Variants in FRMPD4 observed in about 807,000 individuals in gnomAD.
The protein encoded by FRMPD4 is FERM and PDZ domain containing 4, also known as FERM and PDZ domain-containing protein 4.
Under a neutral mutation model 94.1 loss-of-function variants are expected in FRMPD4, and 22 were observed. That is an observed-to-expected ratio of 0.23 (90% CI 0.17 to 0.33). The LOEUF (loss-of-function observed/expected upper bound fraction) is 0.33, where lower values mean the gene tolerates loss of function less well. Among genes scored for constraint, FRMPD4 ranks in the 10% least tolerant of loss-of-function variants. FRMPD4 has a pLI of 1.00. For synonymous variants in FRMPD4, 631 were observed against 548.6 expected (o/e 1.15, Z -2.10); for missense variants, 1,111 against 1,339.9 (o/e 0.83, Z 2.67).
intron 3 of FRMPD4, among the ~76,000 whole-genome samples, chrX:12,067,670 C>G (rs1258720299): frequency 9.0e-6 from 1 of 111,261 alleles, no homozygotes; most frequent in Non-Finnish European, 1.9e-5. Flanking sequence ...CCTGCCTCAG[C>G]CTCCCAAAGT....
intron 3 of FRMPD4, among the ~76,000 whole-genome samples, chrX:12,090,880 G>A (rs1219895706): frequency 8.9e-6 from 1 of 112,231 alleles, no homozygotes; most frequent in South Asian, 3.7e-4. Flanking sequence ...ATATTAGTAA[G>A]GGATGATTGG....
At chrX:12,391,337 T>C in intron 1 of FRMPD4, among the ~76,000 whole-genome samples, 2 of 111,995 alleles carry the variant, frequency 1.8e-5, no homozygotes, top group Middle Eastern at 9.1e-3. Flanking sequence ...AAGTTAATGC[T>C]ACCTACAGAC....
At chrX:12,716,013 C>A in intron 14 of FRMPD4, 56 bp from the exon 15 acceptor site, 1 of 365,412 alleles carries the variant, frequency 2.7e-6, no homozygotes, top group Non-Finnish European at 4.8e-6. Context: ...CCACCCCCGC[C>A]CCACCCAAAA....
chrX:12,647,529 T>A (rs143181839), intron 4 of FRMPD4, among the ~76,000 whole-genome samples: 3 of 111,879 alleles, frequency 2.7e-5, no homozygotes, highest in East Asian at 5.6e-4. Flanking sequence ...GGGTGGACTT[T>A]AGCAGCCAGA....
At chrX:12,218,919 G>A (rs940060985) in intron 1 of FRMPD4, among the ~76,000 whole-genome samples, 18 of 112,468 alleles carry the variant, frequency 1.6e-4, no homozygotes, top group African/African-American at 5.2e-4. Context: ...TTAGTAAAAT[G>A]TTTTGAAACC....
intron 2 of FRMPD4, among the ~76,000 whole-genome samples, chrX:12,560,740 ATCTTTTTTTTTTTTTTTTTT>A (rs2148345509): frequency 3.9e-5 from 2 of 51,766 alleles, no homozygotes; most frequent in African/African-American, 6.7e-5. Flanking sequence ...ACCTCCCCTC[ATCTTTTTTTTTTTTTTTTTT>A]TTTTTTTTTT....
intron 1 of FRMPD4, among the ~76,000 whole-genome samples, chrX:12,140,937 T>C (rs1272809691): frequency 2.7e-5 from 3 of 111,752 alleles, no homozygotes; most frequent in East Asian, 5.6e-4. Context: ...AAGGTGCAAA[T>C]GTTCTGAGCT....
At chrX:12,468,534 C>A (rs147449556) in intron 1 of FRMPD4, among the ~76,000 whole-genome samples, 16 of 111,821 alleles carry the variant, frequency 1.4e-4, no homozygotes, top group African/African-American at 5.2e-4. Flanking sequence ...TATTCAGGCC[C>A]TATGCAGAAT....
At chrX:12,654,665 T>C (rs2059634620) in intron 4 of FRMPD4, among the ~76,000 whole-genome samples, 1 of 111,481 alleles carries the variant, frequency 9.0e-6, no homozygotes, top group African/African-American at 3.3e-5. Flanking sequence ...TCAGCATCCC[T>C]GAGTTCGGCA....
At chrX:12,648,457 C>G (rs1006074306) in intron 4 of FRMPD4, among the ~76,000 whole-genome samples, 1 of 111,609 alleles carries the variant, frequency 9.0e-6, no homozygotes, top group Non-Finnish European at 1.9e-5. Flanking sequence ...CTATATCTCG[C>G]ATGTTGGAGT....
At chrX:12,470,081 T>C (rs981252730) in intron 1 of FRMPD4, among the ~76,000 whole-genome samples, 4 of 112,166 alleles carry the variant, frequency 3.6e-5, no homozygotes, top group Admixed American at 9.4e-5. Flanking sequence ...TGACCCCAGA[T>C]GCAGTATTAT....
In FRMPD4 at chrX:12,434,444, A is replaced by G. The variant is rs557837606; in HGVS notation, c.42-64236A>G. On this transcript the variant is annotated intron_variant, in intron 1 of 16. Coordinates refer to ENST00000675598, the MANE Select transcript of FRMPD4 (RefSeq NM_001368397.1). The stretch of plus-strand genomic sequence containing the variant: ...GCATCATCCTCACTCTGTTTTCAAG[A>G]TGGAGGTCCTCCTGTCTGTGCCAGA... Among the ~76,000 whole-genome samples, 8 of 111,919 alleles carry G rather than the reference A, an allele frequency of 7.1e-5. No homozygotes were observed. The East Asian group carries it at 2.0e-3, about 27-fold the overall frequency.
At chrX:12,312,959 C>T (rs2055058773) in intron 1 of FRMPD4, among the ~76,000 whole-genome samples, 1 of 111,080 alleles carries the variant, frequency 9.0e-6, no homozygotes, top group Non-Finnish European at 1.9e-5. Context: ...CAGAGGATGT[C>T]AGGGAAGACT....
intron 1 of FRMPD4, among the ~76,000 whole-genome samples, chrX:12,448,315 T>A (rs1452781620): frequency 1.8e-5 from 2 of 112,276 alleles, no homozygotes; most frequent in Admixed American, 1.9e-4. Context: ...AAAATTCATG[T>A]TATCGGACAA....
At chrX:12,691,485 C>T (rs4357481) in intron 8 of FRMPD4, among the ~76,000 whole-genome samples, 3 of 109,953 alleles carry the variant, frequency 2.7e-5, no homozygotes, top group African/African-American at 9.9e-5. Flanking sequence ...TATTTTAAAT[C>T]ACTTCTAATG....
chrX:12,723,084 ATACT>A lies in FRMPD4; in HGVS notation c.*1229_*1232del, dbSNP rs2042269212. ...AAATAGTTAAGTATTTATTAAATAAATACTTAATCTGGATTGGCTGATAAAAATA... is the reference window on the plus strand; with the variant it reads ...AAATAGTTAAGTATTTATTAAATAAATAATCTGGATTGGCTGATAAAAATA... On this transcript the variant is annotated 3_prime_UTR_variant, in exon 17 of 17. Transcript: ENST00000675598. 1 of 111,274 alleles carries A rather than the reference ATACT, an allele frequency of 9.0e-6. No homozygotes were observed. The highest frequency in any genetic ancestry group is 1.9e-5 in the Non-Finnish European group (1 of 53,044). 9.2% of individuals were successfully genotyped at this position (111,274 alleles called of 1,213,427 possible).
chrX:12,597,400 C>A (rs1362708930), intron 2 of FRMPD4, among the ~76,000 whole-genome samples: 2 of 112,163 alleles, frequency 1.8e-5, no homozygotes, highest in Non-Finnish European at 3.8e-5. Flanking sequence ...GTGGTATTGA[C>A]AAATAGAACT....
intron 1 of FRMPD4, among the ~76,000 whole-genome samples, chrX:12,144,964 C>A (rs927887942): frequency 1.8e-5 from 2 of 110,513 alleles, no homozygotes; most frequent in Non-Finnish European, 3.8e-5. Flanking sequence ...AAAACACAAT[C>A]ATTTCTATGA....
At chrX:12,365,140 G>A (rs778701668) in intron 1 of FRMPD4, among the ~76,000 whole-genome samples, 1 of 112,294 alleles carries the variant, frequency 8.9e-6, no homozygotes, top group Non-Finnish European at 1.9e-5. Context: ...TGAAACTGGT[G>A]GTGAACATGA....
Sources: allele counts gnomAD v4.1 joint callset (sites outside exome capture counted in the v4.1 genomes callset), GRCh38; gene constraint gnomAD v4.1.1; transcripts MANE v1.5; gene names NCBI Gene and HGNC (gene_info 2026-07-23, HGNC 2026-07-21).